WDR4: variants seen among roughly 807,000 people sequenced by gnomAD.
WDR4 encodes the protein WDR4 tRNA N7-guanosine methyltransferase non-catalytic subunit.
WDR4 carries 47 observed loss-of-function variants against 48.6 expected under a neutral mutation model. The ratio of observed to expected loss-of-function variants is 0.97; its 90% confidence interval spans 0.77 to 1.23. WDR4 has a LOEUF of 1.23. WDR4 is among the 50% of genes most tolerant of loss of function. WDR4 has a pLI of 0.00. For missense variants in WDR4, 606 were observed against 551.6 expected (o/e 1.10, Z -0.99); for synonymous variants, 268 against 230.0 (o/e 1.17, Z -1.49).
At chr21:42,869,923 G>C (rs1042501279) in intron 3 of WDR4, among the ~76,000 whole-genome samples, 4 of 151,572 alleles carry the variant, frequency 2.6e-5, no homozygotes, top group Admixed American at 1.3e-4. Context: ...TGAGGCAGGA[G>C]AATCACTTGA....
chr21:42,877,986 A>G (rs2058538253), intron 1 of WDR4, among the ~76,000 whole-genome samples: 1 of 148,820 alleles, frequency 6.7e-6, no homozygotes, highest in Admixed American at 6.8e-5. Context: ...CGGAGCTTGC[A>G]GTGAGCCAAG....
chr21:42,847,268 G>A (rs1011552992), downstream of WDR4, among the ~76,000 whole-genome samples: 2 of 152,214 alleles, frequency 1.3e-5, no homozygotes, highest in Non-Finnish European at 2.9e-5. Context: ...GGTGGGTGCT[G>A]CTGTTCTGGG....
At position 42,849,700 on chromosome 21, in the gene WDR4, A is replaced by C; in HGVS notation, c.*349T>G. ...GAAACGTCAGCCCACAGATGCTCCT[A>C]GAGGAAGATGCAGCGGACACGAAGG... On this transcript the variant is annotated 3_prime_UTR_variant, in exon 11 of 11. Coordinates refer to ENST00000398208, the MANE Select transcript of WDR4 (RefSeq NM_018669.6). 1 of 213,424 alleles carries C rather than the reference A, an allele frequency of 4.7e-6. No individual in the cohort carries two copies. The highest frequency in any genetic ancestry group is 1.4e-4 in the East Asian group (1 of 7,148). 13.2% of individuals were successfully genotyped at this position (213,424 alleles called of 1,614,324 possible).
In WDR4 at chr21:42,876,769, T is replaced by C; in HGVS notation, c.90-2A>G. 6.2e-7 allele frequency: 1 copy of C among 1,606,582 alleles called. No individual in the cohort carries two copies. Among genetic ancestry groups the C allele is most frequent in the Non-Finnish European group, 8.5e-7 (1 of 1,177,848 alleles). On this transcript the variant is annotated splice_acceptor_variant, in intron 1 of 10. Transcript: ENST00000398208. LOFTEE classifies it high-confidence loss of function. ...TAGATGAAGAGGCTGTCATCATCAC[T>C]AAAGAGAAATAACAATAATTTTAAA...
At chr21:42,851,667 T>C (rs2145996400) in intron 10 of WDR4, among the ~76,000 whole-genome samples, 1 of 152,064 alleles carries the variant, frequency 6.6e-6, no homozygotes, top group South Asian at 2.1e-4. Context: ...GAAGGCAGGG[T>C]AGAAAATGTT....
At position 42,849,818 on chromosome 21, in the gene WDR4, C is replaced by T. The variant is rs1268335133; in HGVS notation, c.*231G>A. Reference sequence around the variant, plus strand: ...GAAAAGAAAGTGCTTCAAGAGCTTCCACTCCACTGGTCTGGCTTCCCTTCA... The same window carrying T: ...GAAAAGAAAGTGCTTCAAGAGCTTCTACTCCACTGGTCTGGCTTCCCTTCA... On this transcript the variant is annotated 3_prime_UTR_variant, in exon 11 of 11. Coordinates refer to ENST00000398208, the MANE Select transcript of WDR4 (RefSeq NM_018669.6). The T allele has an allele frequency of 4.0e-6, 2 of 501,802 alleles. No homozygotes were observed. The highest frequency in any genetic ancestry group is 6.9e-6 in the Non-Finnish European group (2 of 289,666). The allele number at this position is 501,802 out of a possible 1,614,324, so 31.1% of individuals were successfully genotyped here.
downstream of WDR4, among the ~76,000 whole-genome samples, chr21:42,848,470 C>T (rs1448231805): frequency 8.8e-5 from 7 of 79,130 alleles, no homozygotes; most frequent in Non-Finnish European, 1.8e-4. Flanking sequence ...CACGATCACG[C>T]GGCGCACACC....
chr21:42,854,542 G>C lies in WDR4; in HGVS notation c.791+20C>G. 6.2e-7 allele frequency: 1 copy of C among 1,610,790 alleles called. No individual in the cohort carries two copies. The highest frequency in any genetic ancestry group is 8.5e-7 in the Non-Finnish European group (1 of 1,178,788). ...CAGGTCTGCAGAACCGGAGGCCATA[G>C]AGGTGCCGCCGCAGCTTACCCGTCG... On this transcript the variant is annotated intron_variant, in intron 8 of 10. Transcript: ENST00000398208.
chr21:42,888,511 G>C, the WDR4 span, among the ~76,000 whole-genome samples: 104 of 152,074 alleles, frequency 6.8e-4, no homozygotes, highest in Non-Finnish European at 1.2e-3. Flanking sequence ...AGTGAGCCGA[G>C]ATAGAGCCAC....
At chr21:42,850,603 A>G (rs2057799992) in intron 10 of WDR4, among the ~76,000 whole-genome samples, 1 of 152,176 alleles carries the variant, frequency 6.6e-6, no homozygotes, top group Admixed American at 6.5e-5. Context: ...CAGGAGCAGC[A>G]GCCTCTGGCC....
chr21:42,850,296 G>C, intron 10 of WDR4, 54 bp from the exon 11 acceptor site: 3 of 1,490,530 alleles, frequency 2.0e-6, no homozygotes, highest in Non-Finnish European at 2.7e-6. Context: ...ATGGGACTCG[G>C]CCACCACAGC....
chr21:42,878,324 G>T (rs955599974), intron 1 of WDR4, among the ~76,000 whole-genome samples: 2 of 152,222 alleles, frequency 1.3e-5, no homozygotes, highest in East Asian at 3.9e-4. Context: ...TGGAACCGTG[G>T]ACTTGTCTTC....
chr21:42,877,138 A>ATTTTTTT (rs35841350), intron 1 of WDR4, among the ~76,000 whole-genome samples: 8 of 97,370 alleles, frequency 8.2e-5, no homozygotes, highest in Admixed American at 2.2e-4. Context: ...CCTGGCCCTA[A>ATTTTTTT]TTTTTTTTTT....
At chr21:42,854,204 T>C (rs1362205556) in intron 8 of WDR4, among the ~76,000 whole-genome samples, 3 of 152,202 alleles carry the variant, frequency 2.0e-5, no homozygotes, top group African/African-American at 7.2e-5. Flanking sequence ...AAACCCACCT[T>C]GTCAGCACCG....
In WDR4 at chr21:42,850,134, T is replaced by C. The variant is rs2057783703; in HGVS notation, c.1154A>G (p.Lys385Arg). Residue 385 changes from lysine (K) to arginine (R), a missense_variant, in exon 11 of 11, where the codon AAG becomes AGG. Transcript: ENST00000398208. ...KEERLQQQLE[K>R]KQRRRSPPPG... is the part of the protein sequence containing the mutation. ...CGGGGGACTCCGGCGCCGCTGCTTC[T>C]TCTCTAGCTGCTGCTGCAGTCTCTC... 2 of 1,614,100 alleles carry C rather than the reference T, an allele frequency of 1.2e-6. No homozygotes were observed. Among genetic ancestry groups the C allele is most frequent in the Non-Finnish European group, 1.7e-6 (2 of 1,179,978 alleles).
chr21:42,846,138 AAAAC>A (rs1391911921), downstream of WDR4, among the ~76,000 whole-genome samples: 2 of 152,156 alleles, frequency 1.3e-5, no homozygotes, highest in East Asian at 3.9e-4. Context: ...AAATAAAAAA[AAAAC>A]AGAAGACAGG....
intron 10 of WDR4, among the ~76,000 whole-genome samples, chr21:42,851,150 ACACT>A (rs2057817314): frequency 6.6e-6 from 1 of 152,196 alleles, no homozygotes; most frequent in Non-Finnish European, 1.5e-5. Context: ...GTGCAAGGTG[ACACT>A]CAACAGGTCT....
chr21:42,879,638 G>C, upstream of WDR4: 1 of 1,065,962 alleles, frequency 9.4e-7, no homozygotes, highest in South Asian at 1.6e-5. Flanking sequence ...CCTGCCTTGA[G>C]CATGCGTGAA....
At chr21:42,871,990 CT>C (rs35981241) in intron 3 of WDR4, among the ~76,000 whole-genome samples, 89,643 of 149,000 alleles carry the variant, frequency 0.6, 27,495 homozygotes, top group African/African-American at 0.71. Flanking sequence ...TAGAATTTGG[CT>C]TTTTTTTTTT....
Sources: allele counts gnomAD v4.1 joint callset (sites outside exome capture counted in the v4.1 genomes callset), GRCh38; gene constraint gnomAD v4.1.1; transcripts MANE v1.5; gene names NCBI Gene and HGNC (gene_info 2026-07-23, HGNC 2026-07-21).